INPP4B: variants seen among roughly 807,000 people sequenced by gnomAD.
INPP4B encodes inositol polyphosphate 4-phosphatase type II.
Under a neutral mutation model 122.5 loss-of-function variants are expected in INPP4B, and 55 were observed. The observed-to-expected ratio is 0.45, with a 90% confidence interval of 0.36 to 0.56. The LOEUF (loss-of-function observed/expected upper bound fraction) is 0.56. Ranked by LOEUF, INPP4B falls within the 20% of genes least tolerant of loss-of-function variation. The pLI, the probability that INPP4B is intolerant of heterozygous loss-of-function variation, is 0.00. For synonymous variants in INPP4B, 403 were observed against 388.7 expected (o/e 1.04, Z -0.43); for missense variants, 1,000 against 1,097.7 (o/e 0.91, Z 1.26).
intron 2 of INPP4B, among the ~76,000 whole-genome samples, chr4:142,708,270 T>G (rs1198336644): frequency 3.3e-5 from 5 of 152,152 alleles, no homozygotes; most frequent in Admixed American, 3.3e-4. Context: ...TTTAGAAAAT[T>G]TGCAGCCTCA....
chr4:142,517,211 AT>A (rs991180118), intron 2 of INPP4B, among the ~76,000 whole-genome samples: 5 of 151,920 alleles, frequency 3.3e-5, no homozygotes, highest in African/African-American at 9.7e-5. Flanking sequence ...TATTCTTCAA[AT>A]TTTTTTCCAG....
chr4:142,561,710 C>T (rs187622836), intron 2 of INPP4B, among the ~76,000 whole-genome samples: 8 of 152,248 alleles, frequency 5.3e-5, no homozygotes, highest in South Asian at 4.1e-4. Context: ...TGAGCCACCA[C>T]GCCTGGCTGA....
intron 2 of INPP4B, among the ~76,000 whole-genome samples, chr4:142,632,016 A>G (rs1456874065): frequency 6.6e-6 from 1 of 152,170 alleles, no homozygotes; most frequent in African/African-American, 2.4e-5. Flanking sequence ...GTGCTCCAGC[A>G]AGACAGTTAA....
chr4:142,473,630 A>G (rs758659853), intron 2 of INPP4B, among the ~76,000 whole-genome samples: 1 of 152,224 alleles, frequency 6.6e-6, no homozygotes, highest in Non-Finnish European at 1.5e-5. Flanking sequence ...GCCTGAGAGC[A>G]GTAAGATTGC....
chr4:142,164,300 G>A (rs973206287), intron 16 of INPP4B, among the ~76,000 whole-genome samples: 1 of 151,804 alleles, frequency 6.6e-6, no homozygotes, highest in Non-Finnish European at 1.5e-5. Flanking sequence ...AGTAAATAAA[G>A]TTCTATTCTA....
chr4:142,551,781 A>G (rs143485332), intron 2 of INPP4B, among the ~76,000 whole-genome samples: 1 of 152,304 alleles, frequency 6.6e-6, no homozygotes, highest in East Asian at 1.9e-4. Context: ...TGTCAATTAC[A>G]TATAGAAAAC....
chr4:142,624,748 C>A (rs1330221788), intron 2 of INPP4B, among the ~76,000 whole-genome samples: 3 of 152,134 alleles, frequency 2.0e-5, no homozygotes, highest in African/African-American at 7.2e-5. Context: ...TACTGGCAAA[C>A]TGAATCCAGC....
At chr4:142,064,988 T>G (rs1023085249) in intron 25 of INPP4B, among the ~76,000 whole-genome samples, 1 of 152,092 alleles carries the variant, frequency 6.6e-6, no homozygotes. Context: ...TTTAAAAAAT[T>G]TAGTATTTTC....
At chr4:142,564,756 A>C (rs562370281) in intron 2 of INPP4B, among the ~76,000 whole-genome samples, 57 of 152,208 alleles carry the variant, frequency 3.7e-4, no homozygotes, top group African/African-American at 1.3e-3. Flanking sequence ...TTCATGGACC[A>C]CACTTTGAAA....
At chr4:142,783,303 C>G (rs1038392378) in intron 1 of INPP4B, among the ~76,000 whole-genome samples, 2 of 151,982 alleles carry the variant, frequency 1.3e-5, no homozygotes, top group Non-Finnish European at 2.9e-5. Flanking sequence ...ACAATGAACT[C>G]AAACAAATTT....
intron 7 of INPP4B, among the ~76,000 whole-genome samples, chr4:142,379,915 G>A (rs910569359): frequency 6.6e-6 from 1 of 152,184 alleles, no homozygotes; most frequent in Non-Finnish European, 1.5e-5. Flanking sequence ...GGCAAGACCA[G>A]GTAGAGCTGG....
chr4:142,056,821 A>G (rs2645793), intron 25 of INPP4B, among the ~76,000 whole-genome samples: 123,444 of 151,740 alleles, frequency 0.81, 52,352 homozygotes, highest in Non-Finnish European at 0.92. Flanking sequence ...TCATTAGCTT[A>G]GAGGTCTACT....
At chr4:142,395,475 C>T (rs1002252648) in intron 7 of INPP4B, among the ~76,000 whole-genome samples, 2 of 151,968 alleles carry the variant, frequency 1.3e-5, no homozygotes. Context: ...AAACAAAATC[C>T]GAGAGTTGAC....
At chr4:142,431,528 C>T in intron 3 of INPP4B, 143 bp from the exon 4 acceptor site, 2 of 463,322 alleles carry the variant, frequency 4.3e-6, no homozygotes, top group South Asian at 5.4e-5. Context: ...CCATTCCACA[C>T]AGTTAATGCA....
At chr4:142,309,408 A>G (rs1764600224) in intron 8 of INPP4B, among the ~76,000 whole-genome samples, 2 of 152,198 alleles carry the variant, frequency 1.3e-5, no homozygotes, top group South Asian at 4.1e-4. Flanking sequence ...TATGAATATT[A>G]TTGTTGAGAA....
chr4:142,623,200 C>G (rs942287425), intron 2 of INPP4B, among the ~76,000 whole-genome samples: 2 of 151,964 alleles, frequency 1.3e-5, no homozygotes, highest in African/African-American at 2.4e-5. Flanking sequence ...TGCATCTTCT[C>G]TACTCCTATT....
intron 7 of INPP4B, among the ~76,000 whole-genome samples, chr4:142,319,796 G>A (rs1769300337): frequency 6.6e-6 from 1 of 152,162 alleles, no homozygotes; most frequent in Non-Finnish European, 1.5e-5. Flanking sequence ...CACTACTGTA[G>A]TAGACTGTTA....
intron 1 of INPP4B, among the ~76,000 whole-genome samples, chr4:142,769,555 GA>G (rs1199055038): frequency 6.6e-6 from 1 of 152,178 alleles, no homozygotes. Context: ...CGTTATGTCT[GA>G]AATTCCCCTA....
chr4:142,108,041 G>T, intron 23 of INPP4B, 52 bp downstream of exon 23: 1 of 952,180 alleles, frequency 1.1e-6, no homozygotes, highest in Non-Finnish European at 1.7e-6. Flanking sequence ...CTCTTCTAAA[G>T]ATTTATAATC....
Sources: gnomAD v4.1 joint callset for allele counts (sites outside exome capture counted in the v4.1 genomes callset) on GRCh38, gnomAD v4.1.1 for gene constraint, MANE v1.5 for transcripts, NCBI Gene and HGNC (gene_info 2026-07-23, HGNC 2026-07-21) for gene names.